SH3D19: variants seen among roughly 807,000 people sequenced by gnomAD.
SH3D19 encodes the protein SH3 domain containing 19, also known as SH3 domain-containing protein 19.
A neutral mutation model predicts 112.1 loss-of-function variants in SH3D19; 58 were observed. That is an observed-to-expected ratio of 0.52 (90% CI 0.42 to 0.64). SH3D19 has a LOEUF of 0.64. Ranked by LOEUF, SH3D19 falls within the 30% of genes least tolerant of loss-of-function variation. The pLI is 0.00. For missense variants in SH3D19, 1,090 were observed against 1,263.4 expected (o/e 0.86, Z 2.08); for synonymous variants, 391 against 448.5 (o/e 0.87, Z 1.62).
At chr4:151,253,851 A>G (rs1001679074) in intron 1 of SH3D19, among the ~76,000 whole-genome samples, 2 of 152,194 alleles carry the variant, frequency 1.3e-5, no homozygotes, top group African/African-American at 2.4e-5. Context: ...GGCTTTTTCT[A>G]TGTTTTCATA....
chr4:151,208,782 A>G lies in SH3D19; in HGVS notation c.152+17265T>C, dbSNP rs6812606. 6.4e-3 allele frequency among the ~76,000 whole-genome samples: 960 copies of G among 150,994 alleles called. 10 individuals carry two copies. Among genetic ancestry groups the G allele is most frequent in the African/African-American group, 0.022 (884 of 41,024 alleles). ...AAGCTCCGTCTCCTGGGTTCACGCCATTCACCTGCCTTAGCCTCCCGAGTA... is the reference window on the plus strand; with the variant it reads ...AAGCTCCGTCTCCTGGGTTCACGCCGTTCACCTGCCTTAGCCTCCCGAGTA... On this transcript the variant is annotated intron_variant, in intron 2 of 19. Transcript: ENST00000604030.
chr4:151,201,836 ACT>A (rs1470062792), intron 2 of SH3D19, among the ~76,000 whole-genome samples: 13 of 150,914 alleles, frequency 8.6e-5, no homozygotes, highest in Non-Finnish European at 1.8e-4. Flanking sequence ...ACATGGCGAA[ACT>A]CTGTCTCTAC....
At chr4:151,191,095 G>A (rs1195939643) in intron 2 of SH3D19, among the ~76,000 whole-genome samples, 1 of 152,194 alleles carries the variant, frequency 6.6e-6, no homozygotes, top group African/African-American at 2.4e-5. Context: ...CTGCCCTGCT[G>A]GATTTCAGAC....
chr4:151,164,578 C>A (rs569674611), intron 8 of SH3D19, among the ~76,000 whole-genome samples: 1 of 151,192 alleles, frequency 6.6e-6, no homozygotes, highest in Admixed American at 6.6e-5. Context: ...TAACGTTACA[C>A]TAATTTTTTT....
At chr4:151,122,848 T>A (rs1748284291) in intron 19 of SH3D19, among the ~76,000 whole-genome samples, 1 of 103,732 alleles carries the variant, frequency 9.6e-6, no homozygotes, top group Non-Finnish European at 1.8e-5. Flanking sequence ...TTTTAGAGAC[T>A]TTTTTTTTTT....
chr4:151,265,220 G>T (rs1772682126), intron 1 of SH3D19, among the ~76,000 whole-genome samples: 1 of 152,114 alleles, frequency 6.6e-6, no homozygotes, highest in Non-Finnish European at 1.5e-5. Context: ...TACTGTTTAT[G>T]TCAGTAACAT....
intron 1 of SH3D19, among the ~76,000 whole-genome samples, chr4:151,297,498 G>A (rs1295000729): frequency 6.6e-6 from 1 of 152,186 alleles, no homozygotes; most frequent in African/African-American, 2.4e-5. Flanking sequence ...GAAAATTAGT[G>A]AGAAGAAGAC....
chr4:151,258,655 C>T (rs17027482), intron 1 of SH3D19, among the ~76,000 whole-genome samples: 5,651 of 152,238 alleles, frequency 0.037, 317 homozygotes, highest in African/African-American at 0.13. Flanking sequence ...CAGCAGGGGA[C>T]GCCGCAGACC....
intron 1 of SH3D19, among the ~76,000 whole-genome samples, chr4:151,317,852 A>G (rs1317501822): frequency 6.6e-6 from 1 of 152,024 alleles, no homozygotes; most frequent in Non-Finnish European, 1.5e-5. Flanking sequence ...AGGCACCTGT[A>G]ATCCCAGCTA....
In SH3D19 at chr4:151,307,317, C is replaced by T. The variant is rs559153511; in HGVS notation, c.112+17924G>A. On this transcript the variant is annotated intron_variant, in intron 1 of 19. Coordinates refer to ENST00000604030, the MANE Select transcript of SH3D19 (RefSeq NM_001378122.1). ...GATTACAGGCGTGAGCCACTGCGCC[C>T]GGCCCCTAATGATGACTTCTATCTT... Among the ~76,000 whole-genome samples the T allele has an allele frequency of 5.0e-3, 760 of 152,310 alleles. 2 individuals carry two copies. The highest frequency in any genetic ancestry group is 8.6e-3 in the Non-Finnish European group (583 of 68,028).
chr4:151,158,352 T>A (rs1312810154), intron 9 of SH3D19, among the ~76,000 whole-genome samples: 2 of 152,174 alleles, frequency 1.3e-5, no homozygotes, highest in South Asian at 4.1e-4. Context: ...CAGGCTGGAG[T>A]GCAGTGGCGT....
intron 1 of SH3D19, among the ~76,000 whole-genome samples, chr4:151,303,059 C>T (rs896977021): frequency 1.3e-5 from 2 of 152,102 alleles, no homozygotes; most frequent in African/African-American, 4.8e-5. Flanking sequence ...GAATCTAGTC[C>T]TCTAGAACAG....
chr4:151,205,578 C>T (rs1237759690), intron 2 of SH3D19, among the ~76,000 whole-genome samples: 2 of 152,168 alleles, frequency 1.3e-5, no homozygotes, highest in Non-Finnish European at 2.9e-5. Flanking sequence ...ATTGGATGAT[C>T]TCTATTCTAC....
At chr4:151,294,361 T>C (rs115209684) in intron 1 of SH3D19, among the ~76,000 whole-genome samples, 203 of 152,332 alleles carry the variant, frequency 1.3e-3, no homozygotes, top group African/African-American at 4.4e-3. Context: ...TTCCACAGCA[T>C]AGGATCTGGC....
At chr4:151,243,810 T>C (rs907007239) in intron 1 of SH3D19, among the ~76,000 whole-genome samples, 2 of 152,226 alleles carry the variant, frequency 1.3e-5, no homozygotes, top group Non-Finnish European at 2.9e-5. Flanking sequence ...TATTCTTGGA[T>C]ATAAGCTCAG....
intron 2 of SH3D19, among the ~76,000 whole-genome samples, chr4:151,194,094 C>T (rs1763052265): frequency 1.4e-5 from 2 of 141,104 alleles, no homozygotes; most frequent in South Asian, 4.5e-4. Flanking sequence ...GGCATGATCT[C>T]GGCTTACTGC....
chr4:151,180,697 C>CAT (rs1760766781), intron 3 of SH3D19, among the ~76,000 whole-genome samples: 3 of 150,280 alleles, frequency 2.0e-5, no homozygotes, highest in Admixed American at 6.6e-5. Context: ...TGAGCCACTG[C>CAT]GCCCGACACA....
At chr4:151,275,366 C>T (rs1049384322) in intron 1 of SH3D19, among the ~76,000 whole-genome samples, 5 of 152,150 alleles carry the variant, frequency 3.3e-5, no homozygotes, top group African/African-American at 4.8e-5. Flanking sequence ...GGATTACAGG[C>T]GTGAGCCACC....
At chr4:151,187,955 C>T (rs1762048392) in intron 2 of SH3D19, among the ~76,000 whole-genome samples, 1 of 152,028 alleles carries the variant, frequency 6.6e-6, no homozygotes, top group Non-Finnish European at 1.5e-5. Flanking sequence ...GTGAGACTTT[C>T]CCCTCTCCCT....
Sources: gnomAD v4.1 joint callset for allele counts (sites outside exome capture counted in the v4.1 genomes callset) on GRCh38, gnomAD v4.1.1 for gene constraint, MANE v1.5 for transcripts, NCBI Gene and HGNC (gene_info 2026-07-23, HGNC 2026-07-21) for gene names.